ASTN2: variants seen among roughly 807,000 people sequenced by gnomAD.
The protein encoded by ASTN2 is astrotactin-2.
Under a neutral mutation model 139.8 loss-of-function variants are expected in ASTN2, and 54 were observed. That is an observed-to-expected ratio of 0.39 (90% confidence interval 0.31 to 0.48). The LOEUF is 0.48. Ranked by LOEUF, ASTN2 falls within the 20% of genes least tolerant of loss-of-function variation. The probability of loss-of-function intolerance (pLI) is 0.95; values close to 1 mark genes in which losing one functional copy is unlikely to be tolerated. For synonymous variants in ASTN2, 756 were observed against 719.5 expected, an observed-to-expected ratio of 1.05 and a Z score of -0.81; for missense variants, 1,565 against 1,725.1, an observed-to-expected ratio of 0.91 and a Z score of 1.64.
chr9:116,840,741 G>GC (rs1456005764), intron 11 of ASTN2, among the ~76,000 whole-genome samples: 1 of 145,908 alleles, frequency 6.9e-6, no homozygotes, highest in Non-Finnish European at 1.5e-5. Context: ...TCCCGGACGG[G>GC]GCGGCAGGGC....
At chr9:116,924,429 C>CAA (rs35015769) in intron 10 of ASTN2, among the ~76,000 whole-genome samples, 2,662 of 54,512 alleles carry the variant, frequency 0.049, 112 homozygotes, top group African/African-American at 0.11. Flanking sequence ...GACTTCATCT[C>CAA]AAAAAAAAAA....
chr9:116,610,707 CAG>C (rs2131797504), intron 19 of ASTN2, among the ~76,000 whole-genome samples: 1 of 152,152 alleles, frequency 6.6e-6, no homozygotes, highest in South Asian at 2.1e-4. Context: ...CAGAATGTAA[CAG>C]AAATATGCAA....
intron 5 of ASTN2, among the ~76,000 whole-genome samples, chr9:117,060,488 TGAAAGAAAGAAA>T (rs1206035737): frequency 1.0e-4 from 3 of 29,776 alleles, no homozygotes; most frequent in South Asian, 1.1e-3. Flanking sequence ...AAGGAAGGAA[TGAAAGAAAGAAA>T]GAAAGAAAGA....
intron 3 of ASTN2, among the ~76,000 whole-genome samples, chr9:117,178,794 A>G (rs963799367): frequency 6.6e-6 from 1 of 152,206 alleles, no homozygotes; most frequent in Non-Finnish European, 1.5e-5. Context: ...GGCTGGGCCC[A>G]GCTGGGCTGC....
intron 2 of ASTN2, among the ~76,000 whole-genome samples, chr9:117,226,507 C>A (rs1832716606): frequency 6.6e-6 from 1 of 152,110 alleles, no homozygotes; most frequent in Non-Finnish European, 1.5e-5. Context: ...GAGAAAGAAA[C>A]CAGGCAACTT....
intron 20 of ASTN2, among the ~76,000 whole-genome samples, chr9:116,479,111 A>C (rs1162970124): frequency 1.3e-5 from 2 of 152,042 alleles, no homozygotes; most frequent in Admixed American, 1.3e-4. Flanking sequence ...AGACCTCCAA[A>C]GTGGAAGCCA....
At chr9:116,856,848 T>C (rs1422341790) in intron 11 of ASTN2, among the ~76,000 whole-genome samples, 1 of 152,194 alleles carries the variant, frequency 6.6e-6, no homozygotes, top group Non-Finnish European at 1.5e-5. Flanking sequence ...TGGTTTGAGA[T>C]TGTTCTAGAA....
chr9:116,744,612 G>A (rs1829185006), intron 13 of ASTN2, among the ~76,000 whole-genome samples: 1 of 152,132 alleles, frequency 6.6e-6, no homozygotes, highest in African/African-American at 2.4e-5. Context: ...ATTGCCAACT[G>A]CACGTGGTGG....
At chr9:117,071,066 T>C (rs1828107383) in intron 5 of ASTN2, among the ~76,000 whole-genome samples, 1 of 148,986 alleles carries the variant, frequency 6.7e-6, no homozygotes, top group East Asian at 2.0e-4. Flanking sequence ...GCTGCGTTCC[T>C]TTGGAGGAGG....
At chr9:117,233,535 C>G (rs1832958383) in intron 2 of ASTN2, among the ~76,000 whole-genome samples, 2 of 152,122 alleles carry the variant, frequency 1.3e-5, no homozygotes, top group South Asian at 4.1e-4. Flanking sequence ...CATACACAAC[C>G]TAAACATACC....
chr9:117,149,879 T>C (rs1232394126), intron 3 of ASTN2, among the ~76,000 whole-genome samples: 1 of 152,236 alleles, frequency 6.6e-6, no homozygotes, highest in Non-Finnish European at 1.5e-5. Context: ...ATTTTAGTTT[T>C]TCCTCCTGCA....
intron 19 of ASTN2, among the ~76,000 whole-genome samples, chr9:116,535,754 G>C (rs2119318852): frequency 6.6e-6 from 1 of 152,152 alleles, no homozygotes; most frequent in Middle Eastern, 3.4e-3. Context: ...TCCCTTTGTT[G>C]GTAACCCGAC....
intron 10 of ASTN2, among the ~76,000 whole-genome samples, chr9:116,911,997 CAAT>C (rs557630267): frequency 9.8e-5 from 15 of 152,302 alleles, no homozygotes; most frequent in Admixed American, 7.2e-4. Flanking sequence ...GAAACAACAA[CAAT>C]GACAAGTGTG....
In ASTN2 at chr9:117,211,938, C is replaced by CCGATACAGATAG. The variant is rs59160255; in HGVS notation, c.1015+2419_1015+2420insCTATCTGTATCG. Among the ~76,000 whole-genome samples, 1,422 of 152,192 alleles carry CCGATACAGATAG rather than the reference C, an allele frequency of 9.3e-3. 25 individuals carry two copies. The highest frequency in any genetic ancestry group is 0.033 in the African/African-American group (1,368 of 41,520). On this transcript the variant is annotated intron_variant, in intron 3 of 22. Coordinates refer to ENST00000313400, the MANE Select transcript of ASTN2 (RefSeq NM_001365068.1). ...AAAAAATGAAAAGACCTCCCATGCT[C>CCGATACAGATAG]ATGCAATCTTGAGAAAAAAATAACA...
At chr9:116,710,059 T>C (rs1294951040) in intron 16 of ASTN2, among the ~76,000 whole-genome samples, 1 of 152,184 alleles carries the variant, frequency 6.6e-6, no homozygotes, top group Non-Finnish European at 1.5e-5. Context: ...TTCTTCAGCT[T>C]CACATCTGGG....
chr9:116,927,560 T>C (rs768661514), intron 10 of ASTN2, among the ~76,000 whole-genome samples: 2 of 152,176 alleles, frequency 1.3e-5, no homozygotes, highest in Non-Finnish European at 2.9e-5. Context: ...GCTCTATCTA[T>C]GAGAATTGTC....
chr9:117,013,486 A>AT (rs58077485), intron 6 of ASTN2, among the ~76,000 whole-genome samples: 4 of 115,642 alleles, frequency 3.5e-5, no homozygotes, highest in African/African-American at 1.2e-4. Context: ...ATATATATAT[A>AT]TTTTTTTTTT....
At chr9:116,828,921 C>A (rs1048894992) in intron 11 of ASTN2, among the ~76,000 whole-genome samples, 6 of 151,862 alleles carry the variant, frequency 4.0e-5, no homozygotes, top group African/African-American at 1.5e-4. Flanking sequence ...ACAATAGCCA[C>A]AAAAATAAAA....
At chr9:117,337,623 A>G (rs1828927622) in intron 1 of ASTN2, among the ~76,000 whole-genome samples, 1 of 152,200 alleles carries the variant, frequency 6.6e-6, no homozygotes, top group African/African-American at 2.4e-5. Context: ...GTGCATTTGT[A>G]TAACTTCAAT....
Sources: gnomAD v4.1 joint callset for allele counts (sites outside exome capture counted in the v4.1 genomes callset) on GRCh38, gnomAD v4.1.1 for gene constraint, MANE v1.5 for transcripts, NCBI Gene and HGNC (gene_info 2026-07-23, HGNC 2026-07-21) for gene names.